CRKL: variants seen among roughly 807,000 people sequenced by gnomAD.
CRKL encodes crk-like protein.
In CRKL, 3 loss-of-function variants were observed where a neutral mutation model predicts 23.0. The observed-to-expected ratio is 0.13, with a 90% CI of 0.06 to 0.34. The LOEUF (loss-of-function observed/expected upper bound fraction) is 0.34, where lower values mean the gene tolerates loss of function less well. Ranked by LOEUF, CRKL falls within the 10% of genes least tolerant of loss-of-function variation. CRKL has a pLI of 1.00. For synonymous variants in CRKL, 188 were observed against 160.7 expected, an observed-to-expected ratio of 1.17 and a Z score of -1.28; for missense variants, 256 against 394.5, an observed-to-expected ratio of 0.65 and a Z score of 2.97.
chr22:20,943,916 C>T (rs1921964046), intron 2 of CRKL, among the ~76,000 whole-genome samples: 1 of 152,046 alleles, frequency 6.6e-6, no homozygotes, highest in African/African-American at 2.4e-5. Flanking sequence ...CTCCATATGC[C>T]AGCACCACAC....
intron 2 of CRKL, 65 bp from the exon 3 acceptor site, chr22:20,949,646 T>C (rs1922194114): frequency 6.3e-7 from 1 of 1,594,416 alleles, no homozygotes; most frequent in South Asian, 1.1e-5. Flanking sequence ...GTGTTTGTGA[T>C]TTAATGTAAA....
In CRKL at chr22:20,950,018, T is replaced by C. The variant is rs530023569; in HGVS notation, c.*173T>C. On this transcript the variant is annotated 3_prime_UTR_variant, in exon 3 of 3. Transcript: ENST00000354336. ...TGCACACAGCGGCTGCCTCCTGATG[T>C]TTGTATCATAGTCGTATTGTCAAAG... is the stretch of plus-strand genomic sequence containing the variant. 2 of 788,598 alleles carry C rather than the reference T, an allele frequency of 2.5e-6. No individual in the cohort carries two copies. Among genetic ancestry groups the C allele is most frequent in the Middle Eastern group, 3.8e-4 (1 of 2,608 alleles). 48.9% of individuals were successfully genotyped at this position (788,598 alleles called of 1,614,324 possible). A position where few individuals can be genotyped will look rare whatever the true frequency, so the allele number is the denominator to read the frequency against.
Position 20,933,814 on chromosome 22 carries a change from C to G in CRKL, c.347C>G (p.Pro116Arg), listed in dbSNP as rs2147904547. The G allele has an allele frequency of 6.2e-7, 1 of 1,614,050 alleles. No homozygotes were observed. The highest frequency in any genetic ancestry group is 1.1e-5 in the South Asian group (1 of 91,064). Residue 116 changes from proline (P) to arginine (R), a missense_variant, in exon 2 of 3, where the codon CCC becomes CGC. Physicochemically the swap from Pro to Arg is moderately radical, Grantham distance 103. Coordinates refer to ENST00000354336, the MANE Select transcript of CRKL (RefSeq NM_005207.4). ...CCACCAATGGGATCTGTCTCAGCAC[C>G]CAACCTGCCTACAGCAGAAGATAAC... ...PSPPMGSVSA[P>R]NLPTAEDNLE... is the part of the protein sequence containing the mutation.
chr22:20,952,716 TCA>T lies in CRKL; in HGVS notation c.*2873_*2874del. On this transcript the variant is annotated 3_prime_UTR_variant, in exon 3 of 3. Transcript: ENST00000354336. Reference sequence around the variant, plus strand: ...AGAAATATTTGGATGTTAAATTAACTCACTATGGTTTTTCACCTGGGAAGGAA... The same window carrying T: ...AGAAATATTTGGATGTTAAATTAACTCTATGGTTTTTCACCTGGGAAGGAA... The T allele has an allele frequency of 4.3e-6, 1 of 231,722 alleles. No homozygotes were observed. 14.4% of individuals were successfully genotyped at this position (231,722 alleles called of 1,614,324 possible).
Position 20,927,422 on chromosome 22 carries a change from C to T in CRKL, c.312-6357C>T, listed in dbSNP as rs113532459. Among the ~76,000 whole-genome samples the T allele has an allele frequency of 2.4e-3, 364 of 149,740 alleles. 1 individual carries two copies. Among genetic ancestry groups the T allele is most frequent in the Middle Eastern group, 0.017 (5 of 288 alleles). On this transcript the variant is annotated intron_variant, in intron 1 of 2. Transcript: ENST00000354336. ...GACCAGGCTGGTCTCAAACTCCTGA[C>T]CTCAGGTGATCCAATTGCCTCGGCC...
At chr22:20,946,417 A>G (rs1462175328) in intron 2 of CRKL, among the ~76,000 whole-genome samples, 1 of 152,172 alleles carries the variant, frequency 6.6e-6, no homozygotes, top group Non-Finnish European at 1.5e-5. Context: ...TTTAGAGTTA[A>G]TGTGTCCACT....
Position 20,935,195 on chromosome 22 carries a change from G to A in CRKL, c.777+951G>A, listed in dbSNP as rs564584828. Among the ~76,000 whole-genome samples the A allele has an allele frequency of 2.6e-5, 4 of 152,036 alleles. No individual in the cohort carries two copies. The South Asian group carries it at 8.3e-4, about 32-fold the overall frequency. On this transcript the variant is annotated intron_variant, in intron 2 of 2. Coordinates refer to ENST00000354336, the MANE Select transcript of CRKL (RefSeq NM_005207.4). ...TGGCATGATCTTGCCTCATGGCAAC[G>A]TCTGCCTCCTGGGTTCAAATGATTA...
chr22:20,924,106 T>G (rs1029875440), intron 1 of CRKL, among the ~76,000 whole-genome samples: 4 of 152,168 alleles, frequency 2.6e-5, no homozygotes, highest in Non-Finnish European at 5.9e-5. Flanking sequence ...AAAGATTGCT[T>G]GAGCATGGGA....
rs541328821 is a variant in CRKL at position 20,940,141 on chromosome 22, C to T, written c.777+5897C>T. ...GTCATCTAGCATATTCATTACCCTC[C>T]AGTTTCCTAACTGCAGGTTTTGTAA... On this transcript the variant is annotated intron_variant, in intron 2 of 2. Coordinates refer to ENST00000354336, the MANE Select transcript of CRKL (RefSeq NM_005207.4). Among the ~76,000 whole-genome samples the T allele has an allele frequency of 3.3e-5, 5 of 152,258 alleles. No individual in the cohort carries two copies. The East Asian group carries it at 9.6e-4, about 29-fold the overall frequency.
intron 1 of CRKL, among the ~76,000 whole-genome samples, chr22:20,921,536 G>T (rs60123469): frequency 0.68 from 97,378 of 143,648 alleles, 31,986 homozygotes; most frequent in South Asian, 0.83. Flanking sequence ...CCTACCTGGG[G>T]TGGCGTGGTC....
At chr22:20,920,893 C>G (rs1170538833) in intron 1 of CRKL, among the ~76,000 whole-genome samples, 1 of 152,196 alleles carries the variant, frequency 6.6e-6, no homozygotes, top group East Asian at 1.9e-4. Flanking sequence ...TTCTCCTTCT[C>G]TGTGCCCTCT....
intron 2 of CRKL, among the ~76,000 whole-genome samples, chr22:20,944,160 T>TA (rs1921973898): frequency 8.2e-5 from 12 of 146,898 alleles, no homozygotes; most frequent in Admixed American, 4.7e-4. Context: ...TTTTTTTTTT[T>TA]AATTTCTTTT....
chr22:20,927,617 T>C (rs1601675925), intron 1 of CRKL, among the ~76,000 whole-genome samples: 1 of 143,502 alleles, frequency 7.0e-6, no homozygotes, highest in East Asian at 2.2e-4. Context: ...CCAAGACAGG[T>C]GGATCACTTG....
intron 2 of CRKL, among the ~76,000 whole-genome samples, chr22:20,936,221 G>A (rs1437312282): frequency 6.6e-6 from 1 of 152,142 alleles, no homozygotes. Context: ...TGAAGTAAGG[G>A]ACCCTCTTGC....
chr22:20,939,475 T>C (rs1429681446), intron 2 of CRKL, among the ~76,000 whole-genome samples: 3 of 152,028 alleles, frequency 2.0e-5, no homozygotes, highest in South Asian at 2.1e-4. Context: ...CTCCATCTCC[T>C]GACCTCGTGA....
intron 2 of CRKL, among the ~76,000 whole-genome samples, chr22:20,940,298 C>T (rs981811931): frequency 3.9e-5 from 6 of 152,176 alleles, no homozygotes; most frequent in African/African-American, 1.4e-4. Context: ...CTTCCAGATG[C>T]TCCACTTCCC....
intron 1 of CRKL, among the ~76,000 whole-genome samples, chr22:20,921,101 G>A (rs549593157): frequency 6.6e-6 from 1 of 152,306 alleles, no homozygotes; most frequent in African/African-American, 2.4e-5. Context: ...GACTACTAGA[G>A]CCTGGGCCAA....
rs2147918184 is a variant in CRKL, at chr22:20,949,703, C to T, written c.778-8C>T. ...GAAATGCTAACTTTGTCTTCTTCAT[C>T]CATACAGGTTGGTGACATCGTGAAA... On this transcript the variant is annotated splice_polypyrimidine_tract_variant and splice_region_variant and intron_variant, in intron 2 of 2. Transcript: ENST00000354336. 6.2e-7 allele frequency: 1 copy of T among 1,608,434 alleles called. No individual in the cohort carries two copies. Among genetic ancestry groups the T allele is most frequent in the Non-Finnish European group, 8.5e-7 (1 of 1,178,450 alleles).
intron 1 of CRKL, among the ~76,000 whole-genome samples, 164 bp downstream of exon 1, chr22:20,918,409 G>T (rs1032939694): frequency 1.4e-5 from 2 of 142,486 alleles, no homozygotes; most frequent in Non-Finnish European, 3.0e-5. Flanking sequence ...TCAGGATCTG[G>T]GTCACTGGAT....
Sources: allele counts gnomAD v4.1 joint callset (sites outside exome capture counted in the v4.1 genomes callset), GRCh38; gene constraint gnomAD v4.1.1; transcripts MANE v1.5; gene names NCBI Gene and HGNC (gene_info 2026-07-23, HGNC 2026-07-21).